The following TCP11L2 variants were observed in gnomAD, a reference collection of about 807,000 sequenced individuals.
The protein encoded by TCP11L2 is T-complex protein 11-like protein 2.
In TCP11L2, 39 loss-of-function variants were observed where a neutral mutation model predicts 50.7. The observed-to-expected ratio is 0.77, with a 90% CI of 0.60 to 1.01. The LOEUF is 1.01. TCP11L2 is among the 50% of genes least tolerant of loss of function. The pLI, the probability that TCP11L2 is intolerant of heterozygous loss-of-function variation, is 0.00. For missense variants in TCP11L2, 612 were observed against 614.7 expected (o/e 1.00, Z 0.05); for synonymous variants, 192 against 219.3 (o/e 0.88, Z 1.10).
chr12:106,300,596 C>T (rs1428173269), upstream of TCP11L2, among the ~76,000 whole-genome samples: 4 of 152,208 alleles, frequency 2.6e-5, no homozygotes, highest in Admixed American at 6.5e-5. Flanking sequence ...TCCCAAAGTG[C>T]TTGGATTACA....
At chr12:106,314,878 G>T (rs11112935) in intron 3 of TCP11L2, among the ~76,000 whole-genome samples, 48,593 of 151,420 alleles carry the variant, frequency 0.32, 8,112 homozygotes, top group Middle Eastern at 0.38. Flanking sequence ...GGTGGCATGA[G>T]CCTGTAATTA....
intron 9 of TCP11L2, among the ~76,000 whole-genome samples, chr12:106,342,126 G>A (rs1402220237): frequency 1.3e-5 from 2 of 152,210 alleles, no homozygotes; most frequent in Non-Finnish European, 2.9e-5. Flanking sequence ...TGTAGAATTA[G>A]AATGTACTAA....
Position 106,303,355 on chromosome 12 carries a change from G to T in TCP11L2, c.-36+414G>T, listed in dbSNP as rs578079835. ...AACTGAGCCAGGGTAGAGGCAGGGC[G>T]GGCCCGGCAGCGTGTGTTTGGGATT... On this transcript the variant is annotated intron_variant, in intron 1 of 9. Coordinates refer to ENST00000299045, the MANE Select transcript of TCP11L2 (RefSeq NM_152772.3). The T allele has an allele frequency of 3.9e-5, 6 of 152,544 alleles. No homozygotes were observed. The East Asian group carries it at 1.2e-3, about 29-fold the overall frequency. 9.4% of individuals were successfully genotyped at this position (152,544 alleles called of 1,614,324 possible). A position where few individuals can be genotyped will look rare whatever the true frequency, so the allele number is the denominator to read the frequency against.
At chr12:106,322,549 G>A (rs1026433680) in intron 5 of TCP11L2, among the ~76,000 whole-genome samples, 14 of 152,206 alleles carry the variant, frequency 9.2e-5, no homozygotes, top group East Asian at 1.9e-4. Context: ...ATTATGTCAC[G>A]AGGATCTCAT....
intron 2 of TCP11L2, among the ~76,000 whole-genome samples, chr12:106,311,897 A>T (rs772537090): frequency 1.7e-4 from 26 of 152,342 alleles, no homozygotes; most frequent in Admixed American, 7.2e-4. Context: ...CAAATGCAGG[A>T]AAAAGCAACT....
intron 1 of TCP11L2, among the ~76,000 whole-genome samples, chr12:106,308,967 G>A (rs948502827): frequency 2.6e-5 from 4 of 152,198 alleles, no homozygotes; most frequent in African/African-American, 7.2e-5. Flanking sequence ...AAGGAACAAG[G>A]AACTAATGTA....
chr12:106,299,101 C>A (rs537625420), upstream of TCP11L2, among the ~76,000 whole-genome samples: 44 of 152,302 alleles, frequency 2.9e-4, 1 homozygote, highest in Non-Finnish European at 5.3e-4. Flanking sequence ...CAGGCCTGAG[C>A]CACCATGCCC....
At chr12:106,320,209 G>A (rs1268640497) in intron 4 of TCP11L2, among the ~76,000 whole-genome samples, 1 of 152,136 alleles carries the variant, frequency 6.6e-6, no homozygotes, top group Non-Finnish European at 1.5e-5. Flanking sequence ...GACCATCCTG[G>A]CCAACATGGT....
intron 5 of TCP11L2, among the ~76,000 whole-genome samples, chr12:106,322,375 C>G (rs1162063208): frequency 2.0e-5 from 3 of 152,184 alleles, no homozygotes; most frequent in African/African-American, 7.2e-5. Flanking sequence ...TTGACCATGA[C>G]TAGTCACATG....
chr12:106,333,454 A>T (rs1179709888), intron 6 of TCP11L2, among the ~76,000 whole-genome samples: 1 of 152,148 alleles, frequency 6.6e-6, no homozygotes, highest in Non-Finnish European at 1.5e-5. Context: ...TGCAGTTAGG[A>T]GTTAAAAGTA....
Position 106,346,649 on chromosome 12 carries a change from A to C in TCP11L2, c.*119A>C. 1 of 1,249,066 alleles carries C rather than the reference A, an allele frequency of 8.0e-7. No individual in the cohort carries two copies. The allele number at this position is 1,249,066 out of a possible 1,614,324, so 77.4% of individuals were successfully genotyped here. A position where few individuals can be genotyped will look rare whatever the true frequency, so the allele number is the denominator to read the frequency against. On this transcript the variant is annotated 3_prime_UTR_variant, in exon 10 of 10. Coordinates refer to ENST00000299045, the MANE Select transcript of TCP11L2 (RefSeq NM_152772.3). ...GTACTGTGGTGCAGTATTAGCCCAA[A>C]TCTGTGTAATGGGTAATATTAGCAT...
Position 106,314,364 on chromosome 12 carries a change from G to C in TCP11L2, c.164G>C (p.Ser55Thr). 1.3e-6 allele frequency: 2 copies of C among 1,596,682 alleles called. No individual in the cohort carries two copies. Among genetic ancestry groups the C allele is most frequent in the Non-Finnish European group, 1.7e-6 (2 of 1,166,270 alleles). The change falls in exon 3 of 10, where the codon AGC becomes ACC. Residue 55 changes from serine (S) to threonine (T), a missense_variant. Ser to Thr is a moderately conservative substitution (Grantham distance 58). Transcript: ENST00000299045. ...SSKSSSPAST[S>T]PPRVVTFDEV... is the part of the protein sequence containing the mutation. ...GCTTTTGTTTTTCTTTCAGCAACAA[G>C]CCCTCCAAGGGTTGTAACATTTGAT...
Position 106,321,396 on chromosome 12 carries a change from C to T in TCP11L2, c.415-90C>T. 5.2e-6 allele frequency: 6 copies of T among 1,151,052 alleles called. 1 individual carries two copies. In the South Asian group the frequency reaches 8.6e-5, roughly 17 times the overall value. 71.3% of individuals were successfully genotyped at this position (1,151,052 alleles called of 1,614,324 possible). On this transcript the variant is annotated intron_variant, in intron 4 of 9. Transcript: ENST00000299045. ...GGCATCTGAGGCACTAAAATGTGGG[C>T]AAAGAGCTTGGTCATCTAGACACTG...
chr12:106,315,367 A>G (rs979924810), intron 3 of TCP11L2, among the ~76,000 whole-genome samples: 1 of 152,156 alleles, frequency 6.6e-6, no homozygotes, highest in African/African-American at 2.4e-5. Flanking sequence ...CTAGACTACA[A>G]TTAATCCCTT....
chr12:106,335,655 T>C lies in TCP11L2; in HGVS notation c.789T>C (p.Thr263=). The C allele has an allele frequency of 6.2e-7, 1 of 1,614,200 alleles. No homozygotes were observed. The highest frequency in any genetic ancestry group is 1.1e-5 in the South Asian group (1 of 91,082). ...LEETPSALDQ[T]TEWIKESVNE... Reference sequence around the variant, plus strand: ...CACTCTTAGGTGCTCTTGATCAGACTACAGAATGGATAAAAGAATCTGTAA... The same window carrying C: ...CACTCTTAGGTGCTCTTGATCAGACCACAGAATGGATAAAAGAATCTGTAA... The change falls in exon 7 of 10, where the codon ACT becomes ACC. Residue 263 remains threonine, a synonymous_variant. Transcript: ENST00000299045.
At position 106,318,479 on chromosome 12, in the gene TCP11L2, T is replaced by G. The variant is rs201566810; in HGVS notation, c.414+15T>G. The G allele has an allele frequency of 5.0e-6, 8 of 1,612,862 alleles. No individual in the cohort carries two copies. The highest frequency in any genetic ancestry group is 5.9e-6 in the Non-Finnish European group (7 of 1,179,140). ...AAATCAGAGAGGCAAGTTGCTTTGT[T>G]GTCTGTGTCAGTTAGCGTCTTACTC... On this transcript the variant is annotated intron_variant, in intron 4 of 9. Coordinates refer to ENST00000299045, the MANE Select transcript of TCP11L2 (RefSeq NM_152772.3).
intron 6 of TCP11L2, 87 bp from the exon 7 acceptor site, chr12:106,335,552 G>A (rs981502576): frequency 4.3e-6 from 6 of 1,392,056 alleles, no homozygotes; most frequent in Non-Finnish European, 5.9e-6. Flanking sequence ...TTCATGCCCA[G>A]CACCCAACAC....
chr12:106,335,719 C>G lies in TCP11L2; in HGVS notation c.853C>G (p.Pro285Ala). 1.2e-6 allele frequency: 2 copies of G among 1,614,182 alleles called. No individual in the cohort carries two copies. Among genetic ancestry groups the G allele is most frequent in the Non-Finnish European group, 1.7e-6 (2 of 1,180,040 alleles). Residue 285 changes from proline to alanine, a missense_variant, in exon 7 of 10, where the codon CCT becomes GCT. Pro to Ala is a conservative substitution (Grantham distance 27, BLOSUM62 -1). Transcript: ENST00000299045. ...TTCTCTTTCTGAGAGTGCTTTAACT[C>G]CTGGGGCCGAAAATACCTCCAAGCC... The part of the protein sequence containing the change: ...LFSLSESALT[P>A]GAENTSKPSL...
upstream of TCP11L2, among the ~76,000 whole-genome samples, chr12:106,299,840 A>G (rs1565829935): frequency 6.6e-6 from 1 of 152,252 alleles, no homozygotes; most frequent in African/African-American, 2.4e-5. Context: ...TAAGGCTGAG[A>G]GGTTGCAAAT....
Sources: gnomAD v4.1 joint callset for allele counts (sites outside exome capture counted in the v4.1 genomes callset) on GRCh38, gnomAD v4.1.1 for gene constraint, MANE v1.5 for transcripts, NCBI Gene and HGNC (gene_info 2026-07-23, HGNC 2026-07-21) for gene names.